The following GLRA2 variants were observed in gnomAD, a reference collection of about 807,000 sequenced individuals.
The protein encoded by GLRA2 is glycine receptor subunit alpha-2.
Under a neutral mutation model 31.6 loss-of-function variants are expected in GLRA2, and 11 were observed. The observed-to-expected ratio is 0.35, with a 90% CI of 0.22 to 0.58. GLRA2 has a LOEUF of 0.58. Ranked by LOEUF, GLRA2 falls within the 20% of genes least tolerant of loss-of-function variation. The pLI is 0.84. For missense variants in GLRA2, 212 were observed against 351.8 expected (o/e 0.60, Z 3.18); for synonymous variants, 132 against 134.0 (o/e 0.99, Z 0.10).
intron 7 of GLRA2, among the ~76,000 whole-genome samples, chrX:14,643,606 G>T (rs984634469): frequency 8.9e-6 from 1 of 111,793 alleles, no homozygotes; most frequent in Non-Finnish European, 1.9e-5. Flanking sequence ...TATCATAAGA[G>T]TTCACCAGGT....
intron 8 of GLRA2, among the ~76,000 whole-genome samples, chrX:14,704,463 G>A (rs190044396): frequency 2.1e-4 from 24 of 112,316 alleles, no homozygotes; most frequent in Non-Finnish European, 4.1e-4. Flanking sequence ...TAAAAAGATC[G>A]AGCTAAATGA....
At chrX:14,649,449 GATC>G (rs775123112) in intron 7 of GLRA2, among the ~76,000 whole-genome samples, 1 of 110,852 alleles carries the variant, frequency 9.0e-6, no homozygotes, top group South Asian at 3.8e-4. Context: ...GACTGGTGGT[GATC>G]ATTAAATATA....
intron 2 of GLRA2, among the ~76,000 whole-genome samples, chrX:14,563,150 C>T (rs751850816): frequency 1.7e-4 from 19 of 112,286 alleles, no homozygotes; most frequent in African/African-American, 4.2e-4. Flanking sequence ...AGAAAAGACC[C>T]GAGCAAACCC....
upstream of GLRA2, among the ~76,000 whole-genome samples, chrX:14,527,159 G>A (rs961295799): frequency 9.0e-6 from 1 of 111,483 alleles, no homozygotes; most frequent in Non-Finnish European, 1.9e-5. Flanking sequence ...CCAAATTTAG[G>A]AGAGCTGAGA....
chrX:14,533,372 T>C (rs1306483009), intron 2 of GLRA2, among the ~76,000 whole-genome samples: 3 of 111,070 alleles, frequency 2.7e-5, no homozygotes, highest in African/African-American at 9.8e-5. Flanking sequence ...AACTAAATTT[T>C]AAATTCATTT....
At chrX:14,677,330 A>T (rs778944015) in intron 7 of GLRA2, among the ~76,000 whole-genome samples, 1 of 111,587 alleles carries the variant, frequency 9.0e-6, no homozygotes, top group African/African-American at 3.2e-5. Context: ...ATGCACAAAA[A>T]CTTGTCCTTG....
intron 2 of GLRA2, among the ~76,000 whole-genome samples, chrX:14,563,919 A>G (rs2089765121): frequency 9.0e-6 from 1 of 111,719 alleles, no homozygotes; most frequent in Non-Finnish European, 1.9e-5. Context: ...TGAGGAGCAG[A>G]AAGAAAAAAG....
intron 3 of GLRA2, among the ~76,000 whole-genome samples, chrX:14,578,037 T>A (rs3027350): frequency 0.2 from 22,572 of 111,248 alleles, 2,240 homozygotes; most frequent in Non-Finnish European, 0.31. Context: ...GTAATAGTTT[T>A]GATTTCTCTA....
intron 7 of GLRA2, among the ~76,000 whole-genome samples, chrX:14,614,894 G>A (rs1479544532): frequency 1.8e-5 from 2 of 111,529 alleles, no homozygotes; most frequent in African/African-American, 6.5e-5. Flanking sequence ...CACTGTCAAC[G>A]TCCACAAATT....
At chrX:14,571,165 A>C (rs1322276157) in intron 2 of GLRA2, among the ~76,000 whole-genome samples, 1 of 112,027 alleles carries the variant, frequency 8.9e-6, no homozygotes, top group Non-Finnish European at 1.9e-5. Flanking sequence ...CAACAGTCAG[A>C]TTCTCATTCA....
chrX:14,613,584 G>A (rs969075630), intron 7 of GLRA2, among the ~76,000 whole-genome samples: 10 of 111,841 alleles, frequency 8.9e-5, no homozygotes, highest in Non-Finnish European at 1.7e-4. Context: ...GTATATGGGA[G>A]GATGTGCATA....
At chrX:14,686,122 T>C (rs1347762149) in intron 7 of GLRA2, among the ~76,000 whole-genome samples, 3 of 111,991 alleles carry the variant, frequency 2.7e-5, no homozygotes, top group African/African-American at 9.8e-5. Flanking sequence ...TTGTGTAGTT[T>C]TGAGTGAGTT....
intron 8 of GLRA2, among the ~76,000 whole-genome samples, chrX:14,728,576 T>A (rs2147271377): frequency 8.9e-6 from 1 of 111,842 alleles, no homozygotes; most frequent in African/African-American, 3.3e-5. Context: ...ACTTGCTATC[T>A]CTCCAGCTCA....
At chrX:14,551,911 G>A (rs2147027385) in intron 2 of GLRA2, among the ~76,000 whole-genome samples, 1 of 111,838 alleles carries the variant, frequency 8.9e-6, no homozygotes, top group South Asian at 3.7e-4. Context: ...CTGCTTGCTG[G>A]GATGATGTTC....
Position 14,626,623 on chromosome X carries a change from A to G in GLRA2, c.930+17418A>G, listed in dbSNP as rs182095883. 4.5e-5 allele frequency among the ~76,000 whole-genome samples: 5 copies of G among 111,723 alleles called. No homozygotes were observed. The East Asian group carries it at 1.4e-3, about 32-fold the overall frequency. On this transcript the variant is annotated intron_variant, in intron 7 of 8. Coordinates refer to ENST00000218075, the MANE Select transcript of GLRA2 (RefSeq NM_002063.4). The stretch of plus-strand genomic sequence containing the variant: ...TGTAGCCATTTTAACCATCATTTTC[A>G]TCAATTCACAGCATGTGAGATTATG...
chrX:14,450,131 CAG>C, the GLRA2 span, among the ~76,000 whole-genome samples: 1 of 111,987 alleles, frequency 8.9e-6, no homozygotes, highest in Admixed American at 9.4e-5. Context: ...GTGGGCCACA[CAG>C]ATGTTTGCTG....
intron 2 of GLRA2, among the ~76,000 whole-genome samples, chrX:14,558,285 C>T (rs973407361): frequency 8.9e-6 from 1 of 111,952 alleles, no homozygotes; most frequent in Non-Finnish European, 1.9e-5. Flanking sequence ...CATTACATGC[C>T]TTCCATACAT....
intron 7 of GLRA2, among the ~76,000 whole-genome samples, chrX:14,688,289 C>G (rs1157355239): frequency 1.8e-5 from 2 of 111,721 alleles, no homozygotes; most frequent in Non-Finnish European, 3.8e-5. Context: ...TCTCAGATCT[C>G]AAACTCCATT....
At chrX:14,691,736 T>C (rs1367706034) in intron 8 of GLRA2, among the ~76,000 whole-genome samples, 2 of 111,842 alleles carry the variant, frequency 1.8e-5, no homozygotes, top group Admixed American at 9.5e-5. Context: ...CCCAATCTCA[T>C]AGAGGCTATC....
Sources: gnomAD v4.1 joint callset for allele counts (sites outside exome capture counted in the v4.1 genomes callset) on GRCh38, gnomAD v4.1.1 for gene constraint, MANE v1.5 for transcripts, NCBI Gene and HGNC (gene_info 2026-07-23, HGNC 2026-07-21) for gene names.